The following PPP2R1B variants were observed in gnomAD, a reference collection of about 807,000 sequenced individuals.
The protein encoded by PPP2R1B is protein phosphatase 2 scaffold subunit Abeta.
In PPP2R1B, 58 loss-of-function variants were observed where a neutral mutation model predicts 72.7. The ratio of observed to expected loss-of-function variants is 0.80; its 90% CI spans 0.65 to 0.99. The LOEUF (loss-of-function observed/expected upper bound fraction) is 0.99. Ranked by LOEUF, PPP2R1B falls within the 50% of genes least tolerant of loss-of-function variation. The pLI is 0.00. For missense variants in PPP2R1B, 695 were observed against 733.6 expected, an observed-to-expected ratio of 0.95 and a Z score of 0.61; for synonymous variants, 256 against 264.6, an observed-to-expected ratio of 0.97 and a Z score of 0.32.
the PPP2R1B span, among the ~76,000 whole-genome samples, chr11:111,699,483 T>C: frequency 6.6e-6 from 1 of 152,148 alleles, no homozygotes. Context: ...TCTGGGTAGG[T>C]GGATTATCAC....
chr11:111,719,177 A>G, the PPP2R1B span, among the ~76,000 whole-genome samples: 8 of 152,222 alleles, frequency 5.3e-5, no homozygotes, highest in South Asian at 1.7e-3. Flanking sequence ...ATTTTTTTCA[A>G]TCCTTTTTGT....
chr11:111,702,616 C>T, the PPP2R1B span, among the ~76,000 whole-genome samples: 1 of 152,176 alleles, frequency 6.6e-6, no homozygotes, highest in Non-Finnish European at 1.5e-5. Context: ...GCACTTAGCA[C>T]AGCGCCTGCC....
the PPP2R1B span, chr11:111,718,932 A>G: frequency 1.3e-5 from 2 of 152,276 alleles, no homozygotes; most frequent in African/African-American, 2.4e-5. Flanking sequence ...CCCCCATGCC[A>G]GTATGCTGTT....
chr11:111,713,206 A>C, the PPP2R1B span, among the ~76,000 whole-genome samples: 1 of 152,166 alleles, frequency 6.6e-6, no homozygotes, highest in Non-Finnish European at 1.5e-5. Context: ...TAGTATGTGG[A>C]ATGAAGTTGG....
At chr11:111,742,302 CA>C in intron 13 of PPP2R1B, 158 bp from the exon 14 acceptor site, 1 of 606,240 alleles carries the variant, frequency 1.6e-6, no homozygotes, top group Non-Finnish European at 2.5e-6. Flanking sequence ...AAGAAATTCT[CA>C]GCAAAATCAG....
chr11:111,762,374 C>G (rs1945358461), intron 3 of PPP2R1B, among the ~76,000 whole-genome samples: 1 of 152,140 alleles, frequency 6.6e-6, no homozygotes, highest in Admixed American at 6.5e-5. Context: ...ATTTCATGAT[C>G]TGTCCCCTGC....
At chr11:111,741,663 G>T (rs371362550) in intron 14 of PPP2R1B, 51 bp from the exon 15 acceptor site, 1 of 1,569,802 alleles carries the variant, frequency 6.4e-7, no homozygotes, top group Non-Finnish European at 8.7e-7. Context: ...GTTCACGAAC[G>T]ATCTATGTGA....
rs781893785 is a variant in PPP2R1B, at chr11:111,753,621, G to C, written c.1030-44C>G. 19 of 1,557,400 alleles carry C rather than the reference G, an allele frequency of 1.2e-5. No individual in the cohort carries two copies. In the South Asian group the frequency reaches 2.1e-4, roughly 17 times the overall value. On this transcript the variant is annotated intron_variant, in intron 8 of 14. Transcript: ENST00000527614. ...TAAAAGCCTTTATTACAAGACAACAGAAACTTCCATACCATTATTCTGGGA... is the reference window on the plus strand; with the variant it reads ...TAAAAGCCTTTATTACAAGACAACACAAACTTCCATACCATTATTCTGGGA...
At chr11:111,731,662 G>A (rs1944198611) in intron 15 of PPP2R1B, among the ~76,000 whole-genome samples, 1 of 152,236 alleles carries the variant, frequency 6.6e-6, no homozygotes, top group Admixed American at 6.5e-5. Context: ...CTGGGTAGCG[G>A]TGGGAAGGTG....
At chr11:111,689,414 AAT>A in the PPP2R1B span, among the ~76,000 whole-genome samples, 3 of 152,170 alleles carry the variant, frequency 2.0e-5, no homozygotes, top group Admixed American at 2.0e-4. Flanking sequence ...CAGGAAGACT[AAT>A]AAGGAATCTA....
At chr11:111,710,763 C>T in the PPP2R1B span, among the ~76,000 whole-genome samples, 1 of 152,208 alleles carries the variant, frequency 6.6e-6, no homozygotes, top group African/African-American at 2.4e-5. Context: ...GTTAGGAAAC[C>T]TGATTAAGGT....
intron 10 of PPP2R1B, among the ~76,000 whole-genome samples, chr11:111,749,398 C>T (rs1281699481): frequency 6.6e-6 from 1 of 152,036 alleles, no homozygotes; most frequent in Non-Finnish European, 1.5e-5. Context: ...ATTCTCCTGC[C>T]TCAGCCTCCC....
chr11:111,761,324 A>G (rs144466025), intron 3 of PPP2R1B: 112 of 537,724 alleles, frequency 2.1e-4, no homozygotes, highest in African/African-American at 1.4e-3. Context: ...GACTTGACAC[A>G]ATATTAATAT....
At chr11:111,749,318 C>CT (rs1188601800) in intron 10 of PPP2R1B, among the ~76,000 whole-genome samples, 1 of 151,936 alleles carries the variant, frequency 6.6e-6, no homozygotes, top group Non-Finnish European at 1.5e-5. Flanking sequence ...GAATCTCTCT[C>CT]TGTCGCCCAG....
At chr11:111,761,112 T>C (rs1945309584) in intron 3 of PPP2R1B, 61 bp from the exon 4 acceptor site, 1 of 1,384,620 alleles carries the variant, frequency 7.2e-7, no homozygotes, top group Non-Finnish European at 1.0e-6. Flanking sequence ...TAGAAACAGA[T>C]AATCACCTTT....
chr11:111,763,645 A>G (rs79892762), intron 3 of PPP2R1B, among the ~76,000 whole-genome samples: 6,914 of 152,322 alleles, frequency 0.045, 218 homozygotes, highest in Non-Finnish European at 0.068. Flanking sequence ...GGAACAAGGC[A>G]CAGAGGATTC....
At chr11:111,735,765 C>T (rs919474135), downstream of PPP2R1B, among the ~76,000 whole-genome samples, 1 of 152,188 alleles carries the variant, frequency 6.6e-6, no homozygotes, top group South Asian at 2.1e-4. Context: ...AACAGCAGCG[C>T]GCTCACGCTC....
At chr11:111,698,421 G>A in the PPP2R1B span, among the ~76,000 whole-genome samples, 1 of 152,144 alleles carries the variant, frequency 6.6e-6, no homozygotes, top group Non-Finnish European at 1.5e-5. Context: ...AGAATGAAGT[G>A]GCTCTATAAG....
rs1224869059 is a variant in PPP2R1B at position 111,753,438 on chromosome 11, C to A, written c.1164+5G>T. 6.2e-7 allele frequency: 1 copy of A among 1,610,796 alleles called. No individual in the cohort carries two copies. The highest frequency in any genetic ancestry group is 1.3e-5 in the African/African-American group (1 of 74,716). ...AAAGGCAACAGAACATAAAGCAAGACCCACCTCATCCTTTAACTGAGCTAA... is the reference window on the plus strand; with the variant it reads ...AAAGGCAACAGAACATAAAGCAAGAACCACCTCATCCTTTAACTGAGCTAA... On this transcript the variant is annotated splice_donor_5th_base_variant and intron_variant, in intron 9 of 14. Coordinates refer to ENST00000527614, the MANE Select transcript of PPP2R1B (RefSeq NM_002716.5).
Sources: allele counts gnomAD v4.1 joint callset (sites outside exome capture counted in the v4.1 genomes callset), GRCh38; gene constraint gnomAD v4.1.1; transcripts MANE v1.5; gene names NCBI Gene and HGNC (gene_info 2026-07-23, HGNC 2026-07-21).